The following PTPRH variants were observed in gnomAD, a reference collection of about 807,000 sequenced individuals.
The protein encoded by PTPRH is receptor-type tyrosine-protein phosphatase H.
A neutral mutation model predicts 130.2 loss-of-function variants in PTPRH; 113 were observed. That is an observed-to-expected ratio of 0.87 (90% CI 0.75 to 1.01). PTPRH has a LOEUF of 1.01. Ranked by LOEUF, PTPRH falls within the 50% of genes least tolerant of loss-of-function variation. The pLI, the probability that PTPRH is intolerant of heterozygous loss-of-function variation, is 0.00. For missense variants in PTPRH, 1,430 were observed against 1,425.0 expected, an observed-to-expected ratio of 1.00 and a Z score of -0.06; for synonymous variants, 556 against 577.9, an observed-to-expected ratio of 0.96 and a Z score of 0.54.
chr19:55,189,758 G>A (rs1430881578), intron 12 of PTPRH: 3 of 455,404 alleles, frequency 6.6e-6, no homozygotes, highest in South Asian at 4.7e-5. Flanking sequence ...AGGTGGAAGG[G>A]CTGCTTGGGG....
At chr19:55,205,634 G>T in intron 3 of PTPRH, 42 bp from the exon 4 acceptor site, 1 of 1,606,794 alleles carries the variant, frequency 6.2e-7, no homozygotes, top group Non-Finnish European at 8.5e-7. Flanking sequence ...GTAGTTTCTG[G>T]CCCTCAAACT....
At chr19:55,181,946 G>C (rs1303992308) in intron 19 of PTPRH, 43 bp from the exon 20 acceptor site, 1 of 1,613,678 alleles carries the variant, frequency 6.2e-7, no homozygotes, top group Non-Finnish European at 8.5e-7. Flanking sequence ...CCCCAGGTCT[G>C]AGCTGCGTGG....
intron 18 of PTPRH, among the ~76,000 whole-genome samples, chr19:55,184,012 C>T (rs2086249475): frequency 6.6e-6 from 1 of 151,874 alleles, no homozygotes; most frequent in African/African-American, 2.4e-5. Context: ...TTGCCGGGCA[C>T]AGTGGTTCAC....
At position 55,197,318 on chromosome 19, in the gene PTPRH, C is replaced by A. The variant is rs371152156; in HGVS notation, c.1789G>T (p.Val597Leu). Residue 597 changes from valine to leucine, a missense_variant, in exon 9 of 20, where the codon GTA becomes TTA. Transcript: ENST00000376350. ...APGDPHSQLY[V>L]YWVQWASKGH... The stretch of plus-strand genomic sequence containing the variant: ...TTGCTGGCCCACTGGACCCAGTATA[C>A]GTACAACTGAGAGTGGGGGTCTCCA... The A allele has an allele frequency of 1.2e-6, 2 of 1,614,120 alleles. No individual in the cohort carries two copies. Among genetic ancestry groups the A allele is most frequent in the African/African-American group, 2.7e-5 (2 of 74,942 alleles).
chr19:55,182,191 G>A, intron 18 of PTPRH, 40 bp from the exon 19 acceptor site: 2 of 1,603,460 alleles, frequency 1.2e-6, no homozygotes, highest in East Asian at 2.2e-5. Flanking sequence ...AGGGGCAGGA[G>A]TGTGAGGGTC....
intron 7 of PTPRH, among the ~76,000 whole-genome samples, chr19:55,199,475 C>T (rs1189024720): frequency 7.2e-5 from 11 of 151,956 alleles, no homozygotes; most frequent in Admixed American, 3.9e-4. Context: ...TGTGGTGGTG[C>T]GTGCCTGTTG....
chr19:55,191,003 G>A (rs1300006439), intron 12 of PTPRH, among the ~76,000 whole-genome samples: 1 of 151,998 alleles, frequency 6.6e-6, no homozygotes, highest in Non-Finnish European at 1.5e-5. Context: ...CACCAAGCCT[G>A]GCTAATTTTT....
chr19:55,203,197 T>G lies in PTPRH; in HGVS notation c.886+585A>C, dbSNP rs1393484931. The stretch of plus-strand genomic sequence containing the variant: ...AAAAAATTAGCCAGGTGTGGCGGTG[T>G]GCGCCTGTAGTCCCAGCTACTCGGG... On this transcript the variant is annotated intron_variant, in intron 5 of 19. Coordinates refer to ENST00000376350, the MANE Select transcript of PTPRH (RefSeq NM_002842.5). Among the ~76,000 whole-genome samples the G allele has an allele frequency of 5.3e-5, 8 of 151,090 alleles. No homozygotes were observed. In the Middle Eastern group the frequency reaches 0.01, roughly 197 times the overall value.
intron 5 of PTPRH, among the ~76,000 whole-genome samples, chr19:55,203,136 G>C (rs1056704290): frequency 2.6e-5 from 4 of 151,488 alleles, no homozygotes; most frequent in Non-Finnish European, 5.9e-5. Context: ...AGACCATCCT[G>C]GCTAACACGG....
At chr19:55,207,067 C>G in intron 2 of PTPRH, 99 bp downstream of exon 2, 5 of 1,577,354 alleles carry the variant, frequency 3.2e-6, no homozygotes, top group Non-Finnish European at 4.3e-6. Flanking sequence ...TAAACCCCTA[C>G]CATGGACCAC....
At chr19:55,201,646 G>T (rs1568920255) in intron 6 of PTPRH, among the ~76,000 whole-genome samples, 1 of 152,134 alleles carries the variant, frequency 6.6e-6, no homozygotes, top group Admixed American at 6.5e-5. Flanking sequence ...CCACATCAGG[G>T]TCATGGAGCT....
chr19:55,185,814 A>G, intron 17 of PTPRH, 48 bp downstream of exon 17: 1 of 1,613,520 alleles, frequency 6.2e-7, no homozygotes, highest in Non-Finnish European at 8.5e-7. Flanking sequence ...TGCATGGCAT[A>G]TGTCACAGGG....
chr19:55,200,894 G>C (rs929855822), intron 6 of PTPRH, among the ~76,000 whole-genome samples: 2 of 151,390 alleles, frequency 1.3e-5, no homozygotes, highest in African/African-American at 4.9e-5. Flanking sequence ...AGTGAGCCGA[G>C]ATCGCGCCAC....
rs61734257 is a variant in PTPRH at position 55,206,792 on chromosome 19, G to A, written c.249C>T (p.Asn83=). Reference sequence around the variant, plus strand: ...CGGGTCCAAGGCCATCCACGGTGACGTTGGTGGCTGTTGTGTTTCGAGTCT... The same window carrying A: ...CGGGTCCAAGGCCATCCACGGTGACATTGGTGGCTGTTGTGTTTCGAGTCT... ...TTETRNTTAT[N]VTVDGLGPGS... The change falls in exon 3 of 20, where the codon AAC becomes AAT. Residue 83 remains asparagine (N), a synonymous_variant. Transcript: ENST00000376350. 5.4e-5 allele frequency: 87 copies of A among 1,614,030 alleles called. 1 individual carries two copies. In the African/African-American group the frequency reaches 1.0e-3, roughly 19 times the overall value.
At chr19:55,202,793 C>CT (rs1198825398) in intron 5 of PTPRH, among the ~76,000 whole-genome samples, 2 of 152,150 alleles carry the variant, frequency 1.3e-5, no homozygotes, top group Non-Finnish European at 2.9e-5. Context: ...AATCCCAGCA[C>CT]TTTGGGAGGC....
At position 55,188,143 on chromosome 19, in the gene PTPRH, C is replaced by G; in HGVS notation, c.2410G>C (p.Asp804His). 6.2e-7 allele frequency: 1 copy of G among 1,614,086 alleles called. No homozygotes were observed. ...TTCTTCCTGACGTGGTCAGCGAAGT[C>G]TTCAGCTGGGATGTCCCCTGGGGAG... ...FSSPGDIPAEDFADHVRKNER... is the reference protein window; with the variant it reads ...FSSPGDIPAEHFADHVRKNER... The change falls in exon 13 of 20, where the codon GAC (aspartate) becomes CAC (histidine). Residue 804 changes from aspartate to histidine, a missense_variant. By Grantham distance (81) the Asp-to-His change is moderately conservative (BLOSUM62 -1). Coordinates refer to ENST00000376350, the MANE Select transcript of PTPRH (RefSeq NM_002842.5).
At chr19:55,195,741 T>A (rs1018515576) in intron 10 of PTPRH, among the ~76,000 whole-genome samples, 14 of 152,106 alleles carry the variant, frequency 9.2e-5, no homozygotes, top group African/African-American at 3.4e-4. Flanking sequence ...AGCTGGCTAA[T>A]TTTTTAAAAT....
chr19:55,192,300 G>A (rs1043111827), intron 10 of PTPRH, among the ~76,000 whole-genome samples: 1 of 151,866 alleles, frequency 6.6e-6, no homozygotes, highest in Non-Finnish European at 1.5e-5. Flanking sequence ...TACTCGGGAG[G>A]CTGAGGCAGG....
rs1233239956 is a variant in PTPRH, at chr19:55,181,712, A to T, written c.*42T>A. 1 of 1,612,238 alleles carries T rather than the reference A, an allele frequency of 6.2e-7. No homozygotes were observed. Among genetic ancestry groups the T allele is most frequent in the Non-Finnish European group, 8.5e-7 (1 of 1,178,980 alleles). ...AATCTGGGCTCAAGTGGGTGTCCAG[A>T]GCTTGAGGATGCCTGGGCTGCCGAC... On this transcript the variant is annotated 3_prime_UTR_variant, in exon 20 of 20. Transcript: ENST00000376350.
Sources: gnomAD v4.1 joint callset for allele counts (sites outside exome capture counted in the v4.1 genomes callset) on GRCh38, gnomAD v4.1.1 for gene constraint, MANE v1.5 for transcripts, NCBI Gene and HGNC (gene_info 2026-07-23, HGNC 2026-07-21) for gene names.